Variants in EMID1 observed in about 807,000 individuals in gnomAD.
EMID1 encodes EMI domain-containing protein 1.
A neutral mutation model predicts 60.6 loss-of-function variants in EMID1; 40 were observed. The ratio of observed to expected loss-of-function variants is 0.66; its 90% CI spans 0.51 to 0.86. The LOEUF (loss-of-function observed/expected upper bound fraction) is 0.86, where lower values mean the gene tolerates loss of function less well. EMID1 is among the 40% of genes least tolerant of loss of function. The probability of loss-of-function intolerance (pLI) is 0.00; values close to 1 mark genes in which losing one functional copy is unlikely to be tolerated. For missense variants in EMID1, 585 were observed against 597.1 expected (o/e 0.98, Z 0.21); for synonymous variants, 242 against 231.0 (o/e 1.05, Z -0.43).
In EMID1 at chr22:29,223,735, G is replaced by C. The variant is rs1313587847; in HGVS notation, c.320-1398G>C. ...CACCTTTATCTGAGCATGGGTGACA[G>C]AGAAGAGGTAGCACAGAGCTGCCCT... is the stretch of plus-strand genomic sequence containing the variant. On this transcript the variant is annotated intron_variant, in intron 3 of 14. Coordinates refer to ENST00000334018, the MANE Select transcript of EMID1 (RefSeq NM_133455.4). Among the ~76,000 whole-genome samples the C allele has an allele frequency of 6.6e-5, 10 of 152,022 alleles. No individual in the cohort carries two copies. The East Asian group carries it at 1.9e-3, about 29-fold the overall frequency.
At chr22:29,257,742 G>A (rs1339618501) in intron 14 of EMID1, among the ~76,000 whole-genome samples, 2 of 152,220 alleles carry the variant, frequency 1.3e-5, no homozygotes, top group African/African-American at 4.8e-5. Flanking sequence ...TCACAAGGGT[G>A]TGAAAATGGG....
chr22:29,221,501 C>A (rs1011075366), intron 3 of EMID1, among the ~76,000 whole-genome samples: 3 of 152,060 alleles, frequency 2.0e-5, no homozygotes, highest in East Asian at 1.9e-4. Context: ...CAGCCTCCCG[C>A]GTAGCTGGGA....
At chr22:29,239,338 C>G (rs2041073417) in intron 12 of EMID1, among the ~76,000 whole-genome samples, 2 of 112,338 alleles carry the variant, frequency 1.8e-5, no homozygotes, top group Non-Finnish European at 3.5e-5. Flanking sequence ...ACCATGTTAC[C>G]CAGGCTGGTC....
intron 1 of EMID1, among the ~76,000 whole-genome samples, chr22:29,211,054 T>C (rs1182854212): frequency 1.3e-5 from 2 of 152,200 alleles, no homozygotes; most frequent in Non-Finnish European, 2.9e-5. Context: ...GATCACAGCT[T>C]CAGCCTATAT....
At chr22:29,225,267 G>A (rs1568980074) in intron 4 of EMID1, 51 bp downstream of exon 4, 11 of 1,594,580 alleles carry the variant, frequency 6.9e-6, no homozygotes, top group Non-Finnish European at 8.6e-6. Flanking sequence ...GGGAGCCCTG[G>A]AGGGGGCTCA....
At chr22:29,229,865 G>T (rs756719162) in intron 5 of EMID1, among the ~76,000 whole-genome samples, 1 of 152,110 alleles carries the variant, frequency 6.6e-6, no homozygotes, top group African/African-American at 2.4e-5. Context: ...CTCTGGACAG[G>T]CCCCCACGAT....
intron 12 of EMID1, among the ~76,000 whole-genome samples, chr22:29,240,192 T>C (rs2041102156): frequency 6.6e-6 from 1 of 152,128 alleles, no homozygotes; most frequent in African/African-American, 2.4e-5. Flanking sequence ...TTTGTTTTGT[T>C]TTTGTTTGGG....
chr22:29,239,761 CTT>C (rs374949058), intron 12 of EMID1, among the ~76,000 whole-genome samples: 9 of 143,312 alleles, frequency 6.3e-5, no homozygotes, highest in Admixed American at 1.4e-4. Flanking sequence ...AGATCTCAGT[CTT>C]TTTTTTTTTT....
intron 13 of EMID1, among the ~76,000 whole-genome samples, chr22:29,251,226 C>T (rs4261808): frequency 0.58 from 87,840 of 151,248 alleles, 25,684 homozygotes; most frequent in Middle Eastern, 0.66. Context: ...GGACTACAGG[C>T]GCACACCACC....
intron 13 of EMID1, among the ~76,000 whole-genome samples, chr22:29,248,087 G>A (rs2041392415): frequency 6.6e-6 from 1 of 150,906 alleles, no homozygotes; most frequent in Admixed American, 6.6e-5. Context: ...CAAGTAGCTG[G>A]GACTACAGGT....
At chr22:29,242,517 A>G (rs1371256522) in intron 12 of EMID1, among the ~76,000 whole-genome samples, 4 of 152,148 alleles carry the variant, frequency 2.6e-5, no homozygotes, top group Non-Finnish European at 4.4e-5. Context: ...ATCTATTTCT[A>G]TTGACAGATT....
At chr22:29,255,341 T>C (rs777584436) in intron 14 of EMID1, 26 of 1,515,466 alleles carry the variant, frequency 1.7e-5, no homozygotes, top group Admixed American at 4.0e-5. Flanking sequence ...GTCACCCTCC[T>C]GGAAGCCATC....
At chr22:29,249,674 G>A (rs2041455860) in intron 13 of EMID1, among the ~76,000 whole-genome samples, 1 of 151,828 alleles carries the variant, frequency 6.6e-6, no homozygotes, top group Non-Finnish European at 1.5e-5. Context: ...GAGGGCAATG[G>A]TGCAATCTCT....
chr22:29,255,202 C>CGGGG, intron 14 of EMID1: 1 of 734,564 alleles, frequency 1.4e-6, no homozygotes, highest in Non-Finnish European at 2.1e-6. Context: ...CCACCCTCCC[C>CGGGG]GCTTGGCTCC....
At chr22:29,242,947 C>A (rs1352663341) in intron 12 of EMID1, among the ~76,000 whole-genome samples, 1 of 152,234 alleles carries the variant, frequency 6.6e-6, no homozygotes, top group African/African-American at 2.4e-5. Flanking sequence ...GGTTCTCCCC[C>A]TCTGGGCTCC....
chr22:29,224,301 G>C (rs1210623185), intron 3 of EMID1, among the ~76,000 whole-genome samples: 1 of 152,242 alleles, frequency 6.6e-6, no homozygotes, highest in East Asian at 1.9e-4. Flanking sequence ...ACATTTCGTG[G>C]CCTTAAAAGG....
intron 13 of EMID1, among the ~76,000 whole-genome samples, chr22:29,247,347 G>A (rs1276200572): frequency 6.6e-6 from 1 of 152,136 alleles, no homozygotes; most frequent in Non-Finnish European, 1.5e-5. Flanking sequence ...CCAATTATTG[G>A]TACAGCCATG....
At chr22:29,230,341 AAAAAAAAC>A (rs1419204199) in intron 5 of EMID1, among the ~76,000 whole-genome samples, 1 of 150,758 alleles carries the variant, frequency 6.6e-6, no homozygotes, top group Non-Finnish European at 1.5e-5. Flanking sequence ...TCTTGGAAAA[AAAAAAAAC>A]AAAAAAACAA....
At position 29,224,052 on chromosome 22, in the gene EMID1, C is replaced by T. The variant is rs1601939811; in HGVS notation, c.320-1081C>T. ...CTTCCTCCATCCTGGGTGAGATTAG[C>T]CCCCTGTGCCTGGGCAAGTCACAGG... On this transcript the variant is annotated intron_variant, in intron 3 of 14. Coordinates refer to ENST00000334018, the MANE Select transcript of EMID1 (RefSeq NM_133455.4). Among the ~76,000 whole-genome samples the T allele has an allele frequency of 2.0e-5, 3 of 152,360 alleles. No individual in the cohort carries two copies. In the South Asian group the frequency reaches 6.2e-4, roughly 32 times the overall value.
Sources: allele counts gnomAD v4.1 joint callset (sites outside exome capture counted in the v4.1 genomes callset), GRCh38; gene constraint gnomAD v4.1.1; transcripts MANE v1.5; gene names NCBI Gene and HGNC (gene_info 2026-07-23, HGNC 2026-07-21).